The following FCHSD2 variants were observed in gnomAD, a reference collection of about 807,000 sequenced individuals.
The protein encoded by FCHSD2 is F-BAR and double SH3 domains protein 2.
FCHSD2 carries 38 observed loss-of-function variants against 108.1 expected under a neutral mutation model. The ratio of observed to expected loss-of-function variants is 0.35; its 90% CI spans 0.27 to 0.46. The LOEUF is 0.46. Among genes scored for constraint, FCHSD2 ranks in the 20% least tolerant of loss-of-function variants. The pLI is 1.00. For synonymous variants in FCHSD2, 279 were observed against 314.7 expected, an observed-to-expected ratio of 0.89 and a Z score of 1.20; for missense variants, 751 against 897.8, an observed-to-expected ratio of 0.84 and a Z score of 2.09.
intron 12 of FCHSD2, among the ~76,000 whole-genome samples, chr11:72,875,821 G>C (rs1854957251): frequency 6.6e-6 from 1 of 152,134 alleles, no homozygotes; most frequent in Non-Finnish European, 1.5e-5. Context: ...CAATTTAATG[G>C]AAACAGAGGA....
intron 8 of FCHSD2, among the ~76,000 whole-genome samples, chr11:72,958,619 C>G (rs1188048099): frequency 6.6e-6 from 1 of 152,184 alleles, no homozygotes; most frequent in African/African-American, 2.4e-5. Context: ...CAATATTTTC[C>G]TATACTGATC....
chr11:72,867,463 C>CTT (rs981761731), intron 13 of FCHSD2, among the ~76,000 whole-genome samples: 9 of 152,160 alleles, frequency 5.9e-5, no homozygotes, highest in Non-Finnish European at 1.3e-4. Context: ...AAGAACATTC[C>CTT]TTTCACTTAA....
chr11:73,127,055 A>C (rs1860876218), intron 2 of FCHSD2, among the ~76,000 whole-genome samples: 1 of 152,162 alleles, frequency 6.6e-6, no homozygotes, highest in African/African-American at 2.4e-5. Context: ...CAACAAAAAG[A>C]GTCTCTGTCC....
chr11:73,038,350 A>G (rs1007235758), intron 3 of FCHSD2, among the ~76,000 whole-genome samples: 31 of 151,510 alleles, frequency 2.0e-4, no homozygotes, highest in Admixed American at 1.9e-3. Flanking sequence ...TCTTTAAGAA[A>G]AAAAAAAAAA....
At chr11:73,049,306 C>A (rs900855643) in intron 3 of FCHSD2, among the ~76,000 whole-genome samples, 1 of 152,054 alleles carries the variant, frequency 6.6e-6, no homozygotes, top group African/African-American at 2.4e-5. Flanking sequence ...GAAACTGTCT[C>A]ATACCCACAA....
At chr11:72,855,723 T>TA (rs1156881325) in intron 13 of FCHSD2, among the ~76,000 whole-genome samples, 1 of 152,126 alleles carries the variant, frequency 6.6e-6, no homozygotes, top group Non-Finnish European at 1.5e-5. Flanking sequence ...GCATTGAGTG[T>TA]AAAAAATGAG....
chr11:72,922,868 T>C (rs1176198511), intron 8 of FCHSD2, among the ~76,000 whole-genome samples: 2 of 152,154 alleles, frequency 1.3e-5, no homozygotes, highest in Non-Finnish European at 2.9e-5. Flanking sequence ...CAAAGTTGTT[T>C]AACAATTTCC....
At chr11:72,879,999 CA>C (rs541384964) in intron 12 of FCHSD2, among the ~76,000 whole-genome samples, 34,754 of 63,256 alleles carry the variant, frequency 0.55, 6,717 homozygotes, top group South Asian at 0.68. Flanking sequence ...AATTCTGTCT[CA>C]AAAAAAAAAA....
chr11:73,016,302 C>CAA (rs113309736), intron 3 of FCHSD2, among the ~76,000 whole-genome samples: 9 of 81,316 alleles, frequency 1.1e-4, no homozygotes, highest in East Asian at 3.9e-4. Context: ...GGCTCTGTCT[C>CAA]AAAAAAAAAA....
intron 10 of FCHSD2, among the ~76,000 whole-genome samples, chr11:72,901,900 A>T (rs1189250459): frequency 6.6e-6 from 1 of 152,014 alleles, no homozygotes; most frequent in Admixed American, 6.6e-5. Flanking sequence ...TTTGAGACAG[A>T]ATCTCACTCT....
chr11:73,099,952 GT>G (rs1458806332), intron 2 of FCHSD2, among the ~76,000 whole-genome samples: 1 of 152,194 alleles, frequency 6.6e-6, no homozygotes, highest in East Asian at 1.9e-4. Context: ...CGAGCTCTAA[GT>G]TTCCCCAGAA....
intron 2 of FCHSD2, among the ~76,000 whole-genome samples, chr11:73,090,916 C>T (rs955203487): frequency 2.6e-5 from 4 of 152,102 alleles, no homozygotes; most frequent in Admixed American, 6.5e-5. Context: ...TAAGTAATCA[C>T]GCTTCATTCC....
chr11:72,848,341 T>A (rs531745747), intron 14 of FCHSD2, among the ~76,000 whole-genome samples: 1 of 152,296 alleles, frequency 6.6e-6, no homozygotes, highest in South Asian at 2.1e-4. Context: ...TCACACTCTG[T>A]CTCTATACCT....
chr11:73,105,723 A>G (rs1860327460), intron 2 of FCHSD2, among the ~76,000 whole-genome samples: 1 of 152,232 alleles, frequency 6.6e-6, no homozygotes, highest in Non-Finnish European at 1.5e-5. Flanking sequence ...GGTGTCTTAC[A>G]TAATTGTGTT....
In FCHSD2 at chr11:73,127,509, AAACT is replaced by A. The variant is rs1379286700; in HGVS notation, c.119+12518_119+12521del. ...GCCAAGAACACGAGCCAGACTTACAAAACTAACCCCTGCTTATGCATCAGATCAC... is the reference window on the plus strand; with the variant it reads ...GCCAAGAACACGAGCCAGACTTACAAAACCCCTGCTTATGCATCAGATCAC... On this transcript the variant is annotated intron_variant, in intron 2 of 19. Transcript: ENST00000409418. Among the ~76,000 whole-genome samples the A allele has an allele frequency of 2.0e-5, 3 of 152,276 alleles. No individual in the cohort carries two copies. In the East Asian group the frequency reaches 5.8e-4, roughly 29 times the overall value.
chr11:73,042,038 T>C (rs1333537622), intron 3 of FCHSD2, among the ~76,000 whole-genome samples: 1 of 152,196 alleles, frequency 6.6e-6, no homozygotes, highest in African/African-American at 2.4e-5. Flanking sequence ...GTGATTCTCC[T>C]GCCTTGACCT....
chr11:73,099,425 CAT>C (rs1860163718), intron 2 of FCHSD2, among the ~76,000 whole-genome samples: 1 of 152,156 alleles, frequency 6.6e-6, no homozygotes, highest in African/African-American at 2.4e-5. Context: ...TGAATTACTA[CAT>C]GACACAATTC....
rs758179941 is a variant in FCHSD2, at chr11:72,869,526, CT to C, written c.1147-1501del. The C allele has an allele frequency of 6.7e-3, 900 of 134,920 alleles. 2 individuals carry two copies. Among genetic ancestry groups the C allele is most frequent in the East Asian group, 6.2e-3 (29 of 4,702 alleles). The allele number at this position is 134,920 out of a possible 1,614,324, so 8.4% of individuals were successfully genotyped here. On this transcript the variant is annotated intron_variant, in intron 12 of 19. Transcript: ENST00000409418. ...GGGTCTCCTAACAATGGAATACTTG[CT>C]TTTTTTTTTTTTTAATAAAAGTATG...
At chr11:73,076,466 A>G (rs1474080736) in intron 3 of FCHSD2, among the ~76,000 whole-genome samples, 2 of 152,242 alleles carry the variant, frequency 1.3e-5, no homozygotes, top group Non-Finnish European at 2.9e-5. Flanking sequence ...ATATGATTAC[A>G]TTTGTATGAT....
Sources: allele counts gnomAD v4.1 joint callset (sites outside exome capture counted in the v4.1 genomes callset), GRCh38; gene constraint gnomAD v4.1.1; transcripts MANE v1.5; gene names NCBI Gene and HGNC (gene_info 2026-07-23, HGNC 2026-07-21).